Variants in TRAPPC9 observed in about 807,000 individuals in gnomAD.
TRAPPC9 encodes the protein IKK2 binding protein.
Under a neutral mutation model 124.0 loss-of-function variants are expected in TRAPPC9, and 83 were observed. The ratio of observed to expected loss-of-function variants is 0.67; its 90% CI spans 0.56 to 0.80. The LOEUF (loss-of-function observed/expected upper bound fraction) is 0.80, where lower values mean the gene tolerates loss of function less well. Among genes scored for constraint, TRAPPC9 ranks in the 30% least tolerant of loss-of-function variants. The pLI, the probability that TRAPPC9 is intolerant of heterozygous loss-of-function variation, is 0.00. For synonymous variants in TRAPPC9, 638 were observed against 617.5 expected (o/e 1.03, Z -0.49); for missense variants, 1,302 against 1,508.3 (o/e 0.86, Z 2.27).
At chr8:139,924,996 C>A (rs1295507568) in intron 19 of TRAPPC9, among the ~76,000 whole-genome samples, 1 of 152,194 alleles carries the variant, frequency 6.6e-6, no homozygotes, top group African/African-American at 2.4e-5. Flanking sequence ...GCAGCGGCCA[C>A]CAGCTTCGTG....
At chr8:140,193,827 T>C (rs2062563281) in intron 17 of TRAPPC9, among the ~76,000 whole-genome samples, 1 of 152,152 alleles carries the variant, frequency 6.6e-6, no homozygotes, top group Admixed American at 6.5e-5. Flanking sequence ...AATACCTATC[T>C]TTCAGGGCTG....
intron 17 of TRAPPC9, among the ~76,000 whole-genome samples, chr8:140,211,292 C>T (rs2063056082): frequency 1.3e-5 from 2 of 152,152 alleles, no homozygotes; most frequent in African/African-American, 2.4e-5. Context: ...GGCATGGTGG[C>T]ATATGCCTGT....
intron 7 of TRAPPC9, among the ~76,000 whole-genome samples, chr8:140,390,575 G>A (rs1052021551): frequency 3.3e-5 from 5 of 152,118 alleles, no homozygotes; most frequent in African/African-American, 9.7e-5. Context: ...CCAGCCTAAG[G>A]ACTGGGTCAA....
chr8:140,158,380 A>T (rs1009519924), intron 17 of TRAPPC9, among the ~76,000 whole-genome samples: 1 of 152,208 alleles, frequency 6.6e-6, no homozygotes, highest in Non-Finnish European at 1.5e-5. Flanking sequence ...CTGAATGTGC[A>T]ACACTGCAAG....
At chr8:140,298,405 C>G (rs944385102) in intron 11 of TRAPPC9, among the ~76,000 whole-genome samples, 14 of 152,216 alleles carry the variant, frequency 9.2e-5, no homozygotes, top group Admixed American at 2.0e-4. Context: ...GTAACCCCAG[C>G]TCTCTAGGAG....
chr8:139,987,433 G>A (rs1310156880), intron 19 of TRAPPC9, among the ~76,000 whole-genome samples: 1 of 152,156 alleles, frequency 6.6e-6, no homozygotes, highest in African/African-American at 2.4e-5. Flanking sequence ...CCATCCTGAT[G>A]AGTGTCTCAT....
Position 140,030,984 on chromosome 8 carries a change from G to A in TRAPPC9, c.2557-6905C>T, listed in dbSNP as rs187938974. 2.9e-3 allele frequency among the ~76,000 whole-genome samples: 449 copies of A among 152,250 alleles called. 3 individuals carry two copies. Among genetic ancestry groups the A allele is most frequent in the Admixed American group, 7.2e-3 (110 of 15,296 alleles). ...ATTCATCAAACTGTATGGTTAATGA[G>A]GCTACATTTTATAGAATGCAAATTA... On this transcript the variant is annotated intron_variant, in intron 17 of 22. Transcript: ENST00000438773.
In TRAPPC9 at chr8:140,302,402, T is replaced by C. The variant is rs534724342; in HGVS notation, c.1623-1788A>G. Among the ~76,000 whole-genome samples, 35 of 152,360 alleles carry C rather than the reference T, an allele frequency of 2.3e-4. No individual in the cohort carries two copies. In the South Asian group the frequency reaches 7.0e-3, roughly 31 times the overall value. ...TGTTTCCACTCAGCTGTGAGCCTGC[T>C]GAGGACAGGGGCACCAGGACCTTAT... On this transcript the variant is annotated intron_variant, in intron 10 of 22. Transcript: ENST00000438773.
chr8:139,918,605 C>T (rs3802215), intron 19 of TRAPPC9, among the ~76,000 whole-genome samples: 84,794 of 152,142 alleles, frequency 0.56, 25,650 homozygotes, highest in African/African-American at 0.81. Context: ...CCGCCTTCCC[C>T]GAGCAGTGCT....
intron 21 of TRAPPC9, among the ~76,000 whole-genome samples, chr8:139,733,586 T>C (rs1817975126): frequency 6.6e-6 from 1 of 152,220 alleles, no homozygotes; most frequent in African/African-American, 2.4e-5. Flanking sequence ...GGAGCCAGCC[T>C]GAGCCCCATG....
At chr8:140,154,283 T>C (rs1478444950) in intron 17 of TRAPPC9, among the ~76,000 whole-genome samples, 1 of 152,194 alleles carries the variant, frequency 6.6e-6, no homozygotes, top group Non-Finnish European at 1.5e-5. Flanking sequence ...CCCAAGTGTC[T>C]CTGAAATCCA....
At chr8:139,899,722 T>C (rs966021477) in intron 20 of TRAPPC9, among the ~76,000 whole-genome samples, 57 of 152,292 alleles carry the variant, frequency 3.7e-4, no homozygotes, top group Non-Finnish European at 4.9e-4. Context: ...GGTTTTCCAC[T>C]GTAACCCTTT....
intron 19 of TRAPPC9, among the ~76,000 whole-genome samples, chr8:139,960,514 C>G (rs540475595): frequency 6.6e-6 from 1 of 152,334 alleles, no homozygotes; most frequent in African/African-American, 2.4e-5. Context: ...CAGCCTGACC[C>G]TTTGTCAGGC....
chr8:139,799,195 T>C (rs970834591), intron 21 of TRAPPC9, among the ~76,000 whole-genome samples: 1 of 152,026 alleles, frequency 6.6e-6, no homozygotes, highest in Non-Finnish European at 1.5e-5. Context: ...ACTGTTCTCA[T>C]GATAGCAAGA....
chr8:140,219,843 C>T (rs1032291300), intron 17 of TRAPPC9, among the ~76,000 whole-genome samples: 2 of 152,200 alleles, frequency 1.3e-5, no homozygotes, highest in Non-Finnish European at 2.9e-5. Context: ...AGCCACTGAC[C>T]CTGGCTCAAT....
At chr8:140,380,549 G>T (rs138332773) in intron 7 of TRAPPC9, among the ~76,000 whole-genome samples, 5,139 of 150,656 alleles carry the variant, frequency 0.034, 186 homozygotes, top group African/African-American at 0.092. Context: ...CAACTACTCA[G>T]GAGACTGAGG....
At chr8:140,159,982 G>C (rs2061717821) in intron 17 of TRAPPC9, among the ~76,000 whole-genome samples, 1 of 152,078 alleles carries the variant, frequency 6.6e-6, no homozygotes, top group South Asian at 2.1e-4. Context: ...TCCAAAAGTG[G>C]GCAAATGATA....
intron 17 of TRAPPC9, among the ~76,000 whole-genome samples, chr8:140,129,664 C>A (rs1390180881): frequency 6.7e-6 from 1 of 148,720 alleles, no homozygotes; most frequent in African/African-American, 2.6e-5. Flanking sequence ...TGAGAGCCAG[C>A]TTTCTCCCCG....
At chr8:140,437,561 T>C (rs2070863542) in intron 3 of TRAPPC9, among the ~76,000 whole-genome samples, 1 of 152,136 alleles carries the variant, frequency 6.6e-6, no homozygotes, top group South Asian at 2.1e-4. Flanking sequence ...GAGGCGGAGA[T>C]TGCAGTGAGC....
Sources: gnomAD v4.1 joint callset for allele counts (sites outside exome capture counted in the v4.1 genomes callset) on GRCh38, gnomAD v4.1.1 for gene constraint, MANE v1.5 for transcripts, NCBI Gene and HGNC (gene_info 2026-07-23, HGNC 2026-07-21) for gene names.